The following ADAMTSL3 variants were observed in gnomAD, a reference collection of about 807,000 sequenced individuals.
The protein encoded by ADAMTSL3 is ADAMTS like 3, also known as ADAMTS-like protein 3.
Under a neutral mutation model 201.7 loss-of-function variants are expected in ADAMTSL3, and 128 were observed. That is an observed-to-expected ratio of 0.63 (90% CI 0.55 to 0.73). The LOEUF is 0.73. ADAMTSL3 is among the 30% of genes least tolerant of loss of function. The probability of loss-of-function intolerance (pLI) is 0.00; values close to 1 mark genes in which losing one functional copy is unlikely to be tolerated. For missense variants in ADAMTSL3, 1,990 were observed against 2,119.6 expected (o/e 0.94, Z 1.20); for synonymous variants, 738 against 748.4 (o/e 0.99, Z 0.23).
At chr15:83,668,141 C>T (rs1443711802) in intron 2 of ADAMTSL3, among the ~76,000 whole-genome samples, 7 of 151,714 alleles carry the variant, frequency 4.6e-5, no homozygotes, top group Non-Finnish European at 8.8e-5. Context: ...ACATGCTAGA[C>T]AAAATATACA....
intron 6 of ADAMTSL3, among the ~76,000 whole-genome samples, chr15:83,826,436 T>A (rs1300113654): frequency 2.3e-5 from 1 of 43,770 alleles, no homozygotes; most frequent in Non-Finnish European, 3.6e-5. Context: ...GAAGCAGATC[T>A]TTTTTTTTTT....
chr15:83,966,296 TAAA>T (rs1198407514), intron 19 of ADAMTSL3, among the ~76,000 whole-genome samples: 1 of 152,024 alleles, frequency 6.6e-6, no homozygotes, highest in Non-Finnish European at 1.5e-5. Flanking sequence ...GCCAGACTAA[TAAA>T]GAAGAAAAGA....
rs146769560 is a variant in ADAMTSL3, at chr15:83,970,556, C to T, written c.2563C>T (p.Arg855Cys). The T allele has an allele frequency of 2.4e-5, 38 of 1,614,060 alleles. No individual in the cohort carries two copies. The highest frequency in any genetic ancestry group is 8.9e-5 in the East Asian group (4 of 44,892). ...VCQRLAAKGR[R>C]IPLSEMMCRD... ...TCAAAGGCTGGCAGCCAAAGGTCGG[C>T]GCATCCCCCTCAGTGAGATGATGTG... is the stretch of plus-strand genomic sequence containing the variant. The change falls in exon 20 of 30, where the codon CGC becomes TGC. Residue 855 changes from arginine to cysteine, a missense_variant. Arg to Cys is a radical substitution (Grantham distance 180). Coordinates refer to ENST00000286744, the MANE Select transcript of ADAMTSL3 (RefSeq NM_207517.3).
rs34729455 is a variant in ADAMTSL3, at chr15:83,982,979, G to A, written c.3351G>A (p.Ala1117=). The change falls in exon 21 of 30, where the codon GCG becomes GCA. Residue 1117 remains alanine (A), a synonymous_variant. Coordinates refer to ENST00000286744, the MANE Select transcript of ADAMTSL3 (RefSeq NM_207517.3). The part of the protein sequence containing the change: ...METGEVSDDL[A]SQLIYQLVAE... ...CCGGAGAGGTCAGCGATGATCTTGC[G>A]TCCCAGCTGATATATCAGCTGGTGG... 16,260 of 1,613,994 alleles carry A rather than the reference G, an allele frequency of 0.01. 1,338 individuals carry two copies. In the African/African-American group the frequency reaches 0.18, roughly 18 times the overall value.
chr15:83,960,202 A>AT (rs1310819245), intron 19 of ADAMTSL3, among the ~76,000 whole-genome samples: 1 of 152,216 alleles, frequency 6.6e-6, no homozygotes, highest in African/African-American at 2.4e-5. Flanking sequence ...CACTAAAGGC[A>AT]TTTTTAAAAA....
At chr15:83,816,841 A>G (rs2063779220) in intron 5 of ADAMTSL3, among the ~76,000 whole-genome samples, 1 of 152,160 alleles carries the variant, frequency 6.6e-6, no homozygotes, top group Non-Finnish European at 1.5e-5. Flanking sequence ...CTGTCTCTAC[A>G]AAAAATTAGC....
At chr15:83,658,924 T>G (rs1401467646) in intron 2 of ADAMTSL3, among the ~76,000 whole-genome samples, 1 of 152,178 alleles carries the variant, frequency 6.6e-6, no homozygotes, top group African/African-American at 2.4e-5. Flanking sequence ...CTAATTTAAT[T>G]GTCATAGGAT....
chr15:83,750,825 C>G (rs1381387908), intron 3 of ADAMTSL3, among the ~76,000 whole-genome samples: 1 of 152,194 alleles, frequency 6.6e-6, no homozygotes, highest in Non-Finnish European at 1.5e-5. Flanking sequence ...GCTGGGATTA[C>G]AGGCATGAGC....
At chr15:83,756,294 G>C (rs890246557) in intron 3 of ADAMTSL3, among the ~76,000 whole-genome samples, 1 of 152,168 alleles carries the variant, frequency 6.6e-6, no homozygotes, top group Non-Finnish European at 1.5e-5. Context: ...AAAGGAAAGA[G>C]GTGTAATTGG....
chr15:83,939,625 CTT>C (rs561880272), intron 17 of ADAMTSL3, among the ~76,000 whole-genome samples: 5 of 140,364 alleles, frequency 3.6e-5, no homozygotes, highest in Non-Finnish European at 4.7e-5. Flanking sequence ...GAAGGACCAA[CTT>C]TTTTTTTTTT....
intron 25 of ADAMTSL3, among the ~76,000 whole-genome samples, chr15:84,018,495 A>G (rs1343859311): frequency 1.3e-5 from 2 of 152,236 alleles, no homozygotes; most frequent in African/African-American, 4.8e-5. Flanking sequence ...CAGTGATAGG[A>G]GGAAGCCACT....
At chr15:83,886,355 G>A (rs1185125207) in intron 10 of ADAMTSL3, among the ~76,000 whole-genome samples, 2 of 152,158 alleles carry the variant, frequency 1.3e-5, no homozygotes, top group African/African-American at 4.8e-5. Context: ...CAAGCCAAGG[G>A]TTAGATGTTC....
intron 6 of ADAMTSL3, among the ~76,000 whole-genome samples, chr15:83,828,892 G>A (rs1015277697): frequency 6.6e-6 from 1 of 152,204 alleles, no homozygotes; most frequent in African/African-American, 2.4e-5. Context: ...GATCATGGTG[G>A]ATAAGTTTTT....
At chr15:83,884,980 T>G (rs2065357687) in intron 9 of ADAMTSL3, 121 bp from the exon 10 acceptor site, 3 of 636,272 alleles carry the variant, frequency 4.7e-6, no homozygotes, top group African/African-American at 1.9e-5. Context: ...TCTTGCCCCA[T>G]AGTTTTTCTA....
chr15:83,822,819 G>A lies in ADAMTSL3; in HGVS notation c.600+2772G>A, dbSNP rs1270335999. 1.0e-3 allele frequency among the ~76,000 whole-genome samples: 156 copies of A among 149,984 alleles called. 1 individual carries two copies. Among genetic ancestry groups the A allele is most frequent in the Admixed American group, 2.1e-3 (31 of 15,054 alleles). On this transcript the variant is annotated intron_variant, in intron 6 of 29. Coordinates refer to ENST00000286744, the MANE Select transcript of ADAMTSL3 (RefSeq NM_207517.3). ...GCGGCCGGGCAGAGGCTGCAATCTCGGCACTTTGGGAGGCCAAGGCAGGCG... is the reference window on the plus strand; with the variant it reads ...GCGGCCGGGCAGAGGCTGCAATCTCAGCACTTTGGGAGGCCAAGGCAGGCG...
intron 17 of ADAMTSL3, among the ~76,000 whole-genome samples, chr15:83,927,674 T>C (rs1465853510): frequency 6.6e-6 from 1 of 152,242 alleles, no homozygotes; most frequent in East Asian, 1.9e-4. Context: ...AGGTAATTGA[T>C]GACTTCTCCA....
At chr15:83,838,061 CCA>C in intron 6 of ADAMTSL3, 26 bp from the exon 7 acceptor site, 4 of 1,603,568 alleles carry the variant, frequency 2.5e-6, no homozygotes, top group Non-Finnish European at 3.4e-6. Context: ...GCTTTGGGCA[CCA>C]CTGACTGCCA....
At chr15:83,809,635 T>C (rs1468396471) in intron 5 of ADAMTSL3, among the ~76,000 whole-genome samples, 1 of 152,244 alleles carries the variant, frequency 6.6e-6, no homozygotes, top group Non-Finnish European at 1.5e-5. Flanking sequence ...ACTGACTATG[T>C]GTCGGCCCCA....
chr15:83,978,887 C>A (rs2067336117), intron 20 of ADAMTSL3, among the ~76,000 whole-genome samples: 1 of 152,258 alleles, frequency 6.6e-6, no homozygotes, highest in Non-Finnish European at 1.5e-5. Context: ...GTTCACCCCA[C>A]CATTTGGGCA....
Sources: gnomAD v4.1 joint callset for allele counts (sites outside exome capture counted in the v4.1 genomes callset) on GRCh38, gnomAD v4.1.1 for gene constraint, MANE v1.5 for transcripts, NCBI Gene and HGNC (gene_info 2026-07-23, HGNC 2026-07-21) for gene names.